Variants in ZBTB20 observed in about 807,000 individuals in gnomAD.
The protein encoded by ZBTB20 is zinc finger and BTB domain-containing protein 20.
In ZBTB20, 9 loss-of-function variants were observed where a neutral mutation model predicts 56.9. That is an observed-to-expected ratio of 0.16 (90% CI 0.10 to 0.28). The LOEUF is 0.28. Among genes scored for constraint, ZBTB20 ranks in the 10% least tolerant of loss-of-function variants. The probability of loss-of-function intolerance (pLI) is 1.00; values close to 1 mark genes in which losing one functional copy is unlikely to be tolerated. For synonymous variants in ZBTB20, 417 were observed against 420.7 expected (o/e 0.99, Z 0.11); for missense variants, 655 against 1,003.0 (o/e 0.65, Z 4.69).
intron 4 of ZBTB20, among the ~76,000 whole-genome samples, chr3:114,819,440 A>T (rs1282543274): frequency 6.6e-6 from 1 of 151,928 alleles, no homozygotes; most frequent in African/African-American, 2.4e-5. Flanking sequence ...AGATACACAA[A>T]CTTATTTTGA....
rs571184152 is a variant in ZBTB20, at chr3:114,366,397, G to A, written c.199+13820C>T. Among the ~76,000 whole-genome samples, 74 of 151,788 alleles carry A rather than the reference G, an allele frequency of 4.9e-4. No homozygotes were observed. In the Middle Eastern group the frequency reaches 0.01, roughly 21 times the overall value. On this transcript the variant is annotated intron_variant, in intron 10 of 11. Transcript: ENST00000675478. ...TGCTATCATTTCTGGGGGGAATGGG[G>A]GTGGGACTGTAACCCTGAGAATCCT...
At chr3:115,014,988 T>C (rs2079885322) in intron 2 of ZBTB20, among the ~76,000 whole-genome samples, 1 of 151,752 alleles carries the variant, frequency 6.6e-6, no homozygotes, top group Admixed American at 6.6e-5. Context: ...TATTGACTGT[T>C]TTAATGACAT....
chr3:114,621,936 C>T (rs1394179244), intron 6 of ZBTB20, among the ~76,000 whole-genome samples: 9 of 152,174 alleles, frequency 5.9e-5, no homozygotes, highest in African/African-American at 1.4e-4. Context: ...AATTCTTCCA[C>T]GACCACTTGG....
At chr3:114,990,420 T>C (rs1418232710) in intron 2 of ZBTB20, among the ~76,000 whole-genome samples, 2 of 152,208 alleles carry the variant, frequency 1.3e-5, no homozygotes, top group African/African-American at 4.8e-5. Flanking sequence ...GATTTGTGTA[T>C]GTTGAACCAG....
intron 3 of ZBTB20, among the ~76,000 whole-genome samples, chr3:114,955,641 G>A (rs531939011): frequency 2.6e-5 from 4 of 152,192 alleles, no homozygotes; most frequent in East Asian, 1.9e-4. Flanking sequence ...CACTGTAAGG[G>A]AAGATGATGG....
intron 4 of ZBTB20, among the ~76,000 whole-genome samples, chr3:114,805,148 A>T (rs2072008888): frequency 1.3e-5 from 2 of 151,968 alleles, no homozygotes; most frequent in Admixed American, 1.3e-4. Context: ...TAATGTTACT[A>T]TCTTACATAA....
intron 6 of ZBTB20, among the ~76,000 whole-genome samples, chr3:114,639,886 A>C (rs190923373): frequency 6.6e-6 from 1 of 152,106 alleles, no homozygotes; most frequent in Admixed American, 6.6e-5. Flanking sequence ...GGTTCTCATA[A>C]ATATTATCTG....
chr3:114,929,721 T>C (rs958632172), intron 3 of ZBTB20, among the ~76,000 whole-genome samples: 1 of 152,252 alleles, frequency 6.6e-6, no homozygotes, highest in African/African-American at 2.4e-5. Flanking sequence ...TAAATCGTTT[T>C]ATTTAATTGT....
At chr3:114,362,679 T>C (rs2082012363) in intron 10 of ZBTB20, among the ~76,000 whole-genome samples, 1 of 152,214 alleles carries the variant, frequency 6.6e-6, no homozygotes, top group Non-Finnish European at 1.5e-5. Context: ...CCATGCTGTC[T>C]CTGTCTCCCT....
chr3:114,339,159 G>A lies in ZBTB20; in HGVS notation c.2072C>T (p.Pro691Leu), dbSNP rs907301763. The A allele has an allele frequency of 2.5e-6, 4 of 1,613,984 alleles. No homozygotes were observed. The highest frequency in any genetic ancestry group is 1.1e-5 in the South Asian group (1 of 91,090). Residue 691 changes from proline (P) to leucine (L), a missense_variant, in exon 12 of 12, where the codon CCC becomes CTC. Physicochemically the swap from Pro to Leu is moderately conservative, Grantham distance 98 (BLOSUM62 -3). Around this residue, in one of 10 missense-constraint regions of ZBTB20, gnomAD observed 89 missense variants for 79.7 expected, o/e 1.12. Transcript: ENST00000675478. This position sits in a 1 kb window ranked among gnomAD's most constrained non-coding sequence, Gnocchi z 4.2. ...GGCACCTGGGGGTGTGCCTGCAGGG[G>A]GGGTCCCATTGCTGGCACTGTGCAG... Reference protein sequence around the residue: ...VALHSASNGTPPAGTPPGARA... With the variant: ...VALHSASNGTLPAGTPPGARA...
At chr3:114,698,449 T>C (rs1379633133) in intron 5 of ZBTB20, among the ~76,000 whole-genome samples, 1 of 152,118 alleles carries the variant, frequency 6.6e-6, no homozygotes. Flanking sequence ...TCTCAGTCTT[T>C]GAATGCTGCT....
intron 1 of ZBTB20, among the ~76,000 whole-genome samples, chr3:115,137,978 T>C (rs2084697895): frequency 6.6e-6 from 1 of 152,094 alleles, no homozygotes; most frequent in South Asian, 2.1e-4. Flanking sequence ...GCAGTCTTTG[T>C]TTTCGAAACT....
intron 4 of ZBTB20, among the ~76,000 whole-genome samples, chr3:114,845,538 T>A (rs890598530): frequency 4.0e-5 from 6 of 151,780 alleles, no homozygotes; most frequent in Non-Finnish European, 7.4e-5. Context: ...AAGTGCTATA[T>A]GAACCCCTGC....
chr3:115,078,613 G>GTGTGTGTATATA (rs769630983), intron 1 of ZBTB20, among the ~76,000 whole-genome samples: 7 of 137,826 alleles, frequency 5.1e-5, no homozygotes, highest in Non-Finnish European at 7.7e-5. Context: ...GTGTGTGTGT[G>GTGTGTGTATATA]TATATATATA....
rs781619815 is a variant in ZBTB20 at position 114,350,544 on chromosome 3, A to G, written c.1534T>C (p.Phe512Leu). 16 of 1,614,108 alleles carry G rather than the reference A, an allele frequency of 9.9e-6. No individual in the cohort carries two copies. The highest frequency in any genetic ancestry group is 1.4e-5 in the Non-Finnish European group (16 of 1,180,002). ...CCACTGCCCGCGGGCTGGGTAGTGAAGAGGGCTGGCAGGTAGGTGTTGCCA... is the reference window on the plus strand; with the variant it reads ...CCACTGCCCGCGGGCTGGGTAGTGAGGAGGGCTGGCAGGTAGGTGTTGCCA... ...TAGNTYLPAL[F>L]TTQPAGSGPK... The change falls in exon 11 of 12, where the codon TTC becomes CTC. Residue 512 changes from phenylalanine (F) to leucine (L), a missense_variant. Around this residue, in one of 10 missense-constraint regions of ZBTB20, gnomAD observed 71 missense variants for 89.4 expected, o/e 0.79. Coordinates refer to ENST00000675478, the MANE Select transcript of ZBTB20 (RefSeq NM_001348800.3).
intron 6 of ZBTB20, among the ~76,000 whole-genome samples, chr3:114,577,278 A>C (rs2054182215): frequency 6.6e-6 from 1 of 152,154 alleles, no homozygotes; most frequent in Non-Finnish European, 1.5e-5. Flanking sequence ...AAAAAGAAAA[A>C]AATAGAAAAA....
chr3:114,630,240 C>T (rs1177551870), intron 6 of ZBTB20, among the ~76,000 whole-genome samples: 1 of 152,220 alleles, frequency 6.6e-6, no homozygotes, highest in Admixed American at 6.5e-5. Flanking sequence ...CATCCCTGGA[C>T]TGAGATCTAG....
intron 2 of ZBTB20, among the ~76,000 whole-genome samples, chr3:115,016,254 A>T (rs1288752815): frequency 6.6e-6 from 1 of 151,864 alleles, no homozygotes; most frequent in African/African-American, 2.4e-5. Context: ...ATTTTCTCTC[A>T]TTCTGTAGGT....
intron 6 of ZBTB20, among the ~76,000 whole-genome samples, chr3:114,638,035 T>C (rs2059368542): frequency 6.6e-6 from 1 of 152,044 alleles, no homozygotes; most frequent in South Asian, 2.1e-4. Context: ...AGAGTGTCAA[T>C]GTGCTCAGTG....
Sources: allele counts gnomAD v4.1 joint callset (sites outside exome capture counted in the v4.1 genomes callset), GRCh38; gene constraint gnomAD v4.1.1; regional missense constraint gnomAD v4.1.1; non-coding constraint Gnocchi (gnomAD v3.1); transcripts MANE v1.5; gene names NCBI Gene and HGNC (gene_info 2026-07-23, HGNC 2026-07-21).